Variants in ABCD2 observed in about 807,000 individuals in gnomAD.
ABCD2 encodes ATP binding cassette subfamily D member 2.
ABCD2 carries 36 observed loss-of-function variants against 70.9 expected under a neutral mutation model. The ratio of observed to expected loss-of-function variants is 0.51; its 90% confidence interval spans 0.39 to 0.67. The LOEUF is 0.67. Ranked by LOEUF, ABCD2 falls within the 30% of genes least tolerant of loss-of-function variation. The pLI is 0.00. For synonymous variants in ABCD2, 304 were observed against 306.9 expected (o/e 0.99, Z 0.10); for missense variants, 729 against 890.2 (o/e 0.82, Z 2.30).
chr12:39,572,197 T>C (rs76045120), intron 9 of ABCD2, among the ~76,000 whole-genome samples: 7,302 of 152,260 alleles, frequency 0.048, 230 homozygotes, highest in East Asian at 0.14. Flanking sequence ...GAGTAAGGAA[T>C]TGAATGGCAG....
intron 6 of ABCD2, among the ~76,000 whole-genome samples, chr12:39,597,227 C>T (rs114923160): frequency 0.05 from 7,590 of 152,172 alleles, 208 homozygotes; most frequent in African/African-American, 0.062. Context: ...TTCCTTCTGT[C>T]CCTTCCTCTG....
intron 9 of ABCD2, among the ~76,000 whole-genome samples, chr12:39,564,754 T>C (rs1252910317): frequency 2.0e-5 from 3 of 152,206 alleles, no homozygotes; most frequent in Admixed American, 6.5e-5. Context: ...AGGGTTTTTA[T>C]GGTTTTAGGT....
Position 39,619,262 on chromosome 12 carries a change from G to C in ABCD2, c.354C>G (p.Thr118=). 6.2e-7 allele frequency: 1 copy of C among 1,614,118 alleles called. No homozygotes were observed. The highest frequency in any genetic ancestry group is 8.5e-7 in the Non-Finnish European group (1 of 1,180,020). ...GACCAGCCACATAGATAGAAAGAAA[G>C]GTTCTTGAGATTAGAGCCACTGAGT... ...CLHSVALISR[T]FLSIYVAGLD... is the part of the protein sequence containing the mutation. Residue 118 remains threonine (T), a synonymous_variant, in exon 1 of 10, where the codon ACC becomes ACG. Transcript: ENST00000308666.
At chr12:39,566,290 A>G (rs949665664) in intron 9 of ABCD2, among the ~76,000 whole-genome samples, 2 of 152,150 alleles carry the variant, frequency 1.3e-5, no homozygotes, top group Admixed American at 6.6e-5. Flanking sequence ...GCTATTAATT[A>G]TTGCCTCAAT....
At chr12:39,531,869 G>A in the ABCD2 span, among the ~76,000 whole-genome samples, 4 of 152,242 alleles carry the variant, frequency 2.6e-5, no homozygotes, top group South Asian at 4.1e-4. Context: ...CCGCCCAGGG[G>A]CGCCTGGATT....
the ABCD2 span, among the ~76,000 whole-genome samples, chr12:39,542,304 A>G: frequency 6.6e-6 from 1 of 152,080 alleles, no homozygotes. Flanking sequence ...TCTACTAAAA[A>G]TACAAAAAAT....
At chr12:39,571,325 C>T (rs1941445465) in intron 9 of ABCD2, among the ~76,000 whole-genome samples, 1 of 152,006 alleles carries the variant, frequency 6.6e-6, no homozygotes, top group South Asian at 2.1e-4. Context: ...ACCCTAGTGT[C>T]CATCAATGGA....
chr12:39,594,676 A>G (rs574828621), intron 6 of ABCD2, among the ~76,000 whole-genome samples: 8 of 152,346 alleles, frequency 5.3e-5, no homozygotes. Context: ...TTAGAAAAAC[A>G]GTTGAAGAAT....
chr12:39,607,496 A>G, intron 3 of ABCD2, 103 bp downstream of exon 3: 1 of 953,854 alleles, frequency 1.0e-6, no homozygotes, highest in Non-Finnish European at 1.6e-6. Flanking sequence ...TTTGGCAGAG[A>G]AAAGATATGT....
At chr12:39,557,022 T>C (rs1177038435) in intron 9 of ABCD2, among the ~76,000 whole-genome samples, 1 of 151,482 alleles carries the variant, frequency 6.6e-6, no homozygotes, top group African/African-American at 2.4e-5. Flanking sequence ...TGGAAGTGAC[T>C]TTGGAACTGG....
intron 6 of ABCD2, among the ~76,000 whole-genome samples, chr12:39,595,021 G>A (rs778958454): frequency 1.6e-4 from 24 of 151,972 alleles, no homozygotes; most frequent in Non-Finnish European, 3.2e-4. Flanking sequence ...AGCCAAGATT[G>A]TGCCACTGCA....
rs1467309244 is a variant in ABCD2 at position 39,604,795 on chromosome 12, C to A, written c.1372G>T (p.Glu458Ter). 1 of 1,607,008 alleles carries A rather than the reference C, an allele frequency of 6.2e-7. No individual in the cohort carries two copies. The highest frequency in any genetic ancestry group is 2.2e-5 in the East Asian group (1 of 44,682). ...GCCAATGTGTCACTGAGAGGTAATT[C>A]TACCTTAGCTCCATTCTTGCTATGG... Reference protein sequence around the residue: ...ESHSKNGAKVELPLSDTLAIK... With the variant: ...ESHSKNGAKV The change falls in exon 4 of 10, where the codon GAA becomes TAA. Residue 458 changes from glutamate to a stop codon, truncating the protein, a stop_gained. Coordinates refer to ENST00000308666, the MANE Select transcript of ABCD2 (RefSeq NM_005164.4). LOFTEE classifies it high-confidence loss of function.
intron 6 of ABCD2, among the ~76,000 whole-genome samples, chr12:39,598,430 TG>T (rs1941849247): frequency 6.6e-6 from 1 of 152,188 alleles, no homozygotes; most frequent in African/African-American, 2.4e-5. Flanking sequence ...GGTGGAGTTT[TG>T]CTCTTGTTGC....
chr12:39,602,888 T>C (rs1048565039), intron 5 of ABCD2, among the ~76,000 whole-genome samples: 1 of 152,196 alleles, frequency 6.6e-6, no homozygotes, highest in South Asian at 2.1e-4. Context: ...TCATAAATTA[T>C]AAATTATGAA....
At chr12:39,540,666 A>G in the ABCD2 span, among the ~76,000 whole-genome samples, 2 of 152,228 alleles carry the variant, frequency 1.3e-5, no homozygotes, top group African/African-American at 2.4e-5. Context: ...TGAGACTTCA[A>G]AAGAACTTTG....
chr12:39,611,673 C>T (rs1363630564), intron 2 of ABCD2, among the ~76,000 whole-genome samples: 2 of 151,942 alleles, frequency 1.3e-5, no homozygotes, highest in Admixed American at 1.3e-4. Context: ...GACATAAAAC[C>T]ACTAACCATA....
the ABCD2 span, among the ~76,000 whole-genome samples, chr12:39,541,329 T>A: frequency 6.6e-6 from 1 of 152,130 alleles, no homozygotes; most frequent in Non-Finnish European, 1.5e-5. Flanking sequence ...CCCTGTGGAA[T>A]TGAAGAAAGA....
chr12:39,567,562 G>T lies in ABCD2; in HGVS notation c.2003+6154C>A, dbSNP rs564758196. ...ATGGGTCTGGGGAATACAGCACACT[G>T]ATGAGTCTTGACTCTTTATCCAATT... On this transcript the variant is annotated intron_variant, in intron 9 of 9. Transcript: ENST00000308666. Among the ~76,000 whole-genome samples the T allele has an allele frequency of 7.3e-4, 111 of 152,272 alleles. No individual in the cohort carries two copies. In the East Asian group the frequency reaches 0.017, roughly 23 times the overall value.
At chr12:39,582,258 C>G (rs1015632013) in intron 7 of ABCD2, among the ~76,000 whole-genome samples, 4 of 152,148 alleles carry the variant, frequency 2.6e-5, no homozygotes, top group African/African-American at 9.7e-5. Flanking sequence ...AGAACACTGA[C>G]TTTCAAGTCA....
Sources: allele counts gnomAD v4.1 joint callset (sites outside exome capture counted in the v4.1 genomes callset), GRCh38; gene constraint gnomAD v4.1.1; transcripts MANE v1.5; gene names NCBI Gene and HGNC (gene_info 2026-07-23, HGNC 2026-07-21).